The following ONECUT2 variants were observed in gnomAD, a reference collection of about 807,000 sequenced individuals.
ONECUT2 encodes one cut domain family member 2.
ONECUT2 carries 10 observed loss-of-function variants against 27.9 expected under a neutral mutation model. The ratio of observed to expected loss-of-function variants is 0.36; its 90% CI spans 0.22 to 0.61. ONECUT2 has a LOEUF of 0.61. Ranked by LOEUF, ONECUT2 falls within the 20% of genes least tolerant of loss-of-function variation. The pLI, the probability that ONECUT2 is intolerant of heterozygous loss-of-function variation, is 0.73. For synonymous variants in ONECUT2, 334 were observed against 315.1 expected (o/e 1.06, Z -0.64); for missense variants, 686 against 721.0 (o/e 0.95, Z 0.56).
chr18:57,443,562 G>T (rs1049007580), intron 1 of ONECUT2, among the ~76,000 whole-genome samples: 1 of 152,170 alleles, frequency 6.6e-6, no homozygotes, highest in African/African-American at 2.4e-5. Flanking sequence ...ACCAACCTCT[G>T]TGCCTTTGGG....
At position 57,480,799 on chromosome 18, in the gene ONECUT2, T is replaced by C. The variant is rs1238518653; in HGVS notation, c.*4076T>C. The C allele has an allele frequency of 6.6e-6, 1 of 152,210 alleles. No individual in the cohort carries two copies. The highest frequency in any genetic ancestry group is 1.5e-5 in the Non-Finnish European group (1 of 68,048). 9.4% of individuals were successfully genotyped at this position (152,210 alleles called of 1,614,324 possible). A position where few individuals can be genotyped will look rare whatever the true frequency, so the allele number is the denominator to read the frequency against. On this transcript the variant is annotated 3_prime_UTR_variant, in exon 2 of 2. Coordinates refer to ENST00000491143, the MANE Select transcript of ONECUT2 (RefSeq NM_004852.3). ...AAAAAATTTCTATATTGAAAGGTAA[T>C]AGAATTTAACCCAGTGAGTTTACTC...
rs76595697 is a variant in ONECUT2, at chr18:57,471,021, G to A, written c.1229-5416G>A. On this transcript the variant is annotated intron_variant, in intron 1 of 1. Coordinates refer to ENST00000491143, the MANE Select transcript of ONECUT2 (RefSeq NM_004852.3). ...CTACTCTGTTACTGACCACGCAGTC[G>A]GTGGCAAGGTCCCTCCCCAAGCTGA... Among the ~76,000 whole-genome samples, 235 of 152,300 alleles carry A rather than the reference G, an allele frequency of 1.5e-3. 3 individuals are homozygous for A. Among genetic ancestry groups the A allele is most frequent in the African/African-American group, 5.4e-3 (226 of 41,556 alleles).
chr18:57,460,008 G>A (rs2050281349), intron 1 of ONECUT2, among the ~76,000 whole-genome samples: 2 of 152,044 alleles, frequency 1.3e-5, no homozygotes, highest in Non-Finnish European at 2.9e-5. Context: ...CTGCAACCTC[G>A]AACTCTTGGG....
chr18:57,489,434 T>C lies in ONECUT2; in HGVS notation c.*12711T>C, dbSNP rs769030021. 2.6e-5 allele frequency: 4 copies of C among 152,124 alleles called. No individual in the cohort carries two copies. The highest frequency in any genetic ancestry group is 4.4e-5 in the Non-Finnish European group (3 of 68,038). 9.4% of individuals were successfully genotyped at this position (152,124 alleles called of 1,614,324 possible). ...GCACATTGCCTATGCTGTTGATCTG[T>C]CTTGGGCGACAGGCTGAATCACAGC... On this transcript the variant is annotated 3_prime_UTR_variant, in exon 2 of 2. Transcript: ENST00000491143.
Position 57,436,187 on chromosome 18 carries a change from G to A in ONECUT2, c.471G>A (p.Leu157=). The A allele has an allele frequency of 6.2e-7, 1 of 1,607,648 alleles. No homozygotes were observed. Among genetic ancestry groups the A allele is most frequent in the Non-Finnish European group, 8.5e-7 (1 of 1,179,450 alleles). The change falls in exon 1 of 2, where the codon CTG becomes CTA. Residue 157 remains leucine (L), a synonymous_variant. Coordinates refer to ENST00000491143, the MANE Select transcript of ONECUT2 (RefSeq NM_004852.3). The surrounding 1 kb of genome is among the most constrained non-coding windows in gnomAD (Gnocchi z 5.9). ...TYTTLTPLQP[L]PPISTVSDKF... is the part of the protein sequence containing the mutation. ...CCACGCTGACACCGCTCCAGCCGCT[G>A]CCACCCATCTCCACCGTGTCTGACA...
In ONECUT2 at chr18:57,435,831, G is replaced by C; in HGVS notation, c.115G>C (p.Gly39Arg). 2.7e-6 allele frequency: 3 copies of C among 1,096,610 alleles called. No homozygotes were observed. Among genetic ancestry groups the C allele is most frequent in the Non-Finnish European group, 3.4e-6 (3 of 887,750 alleles). 67.9% of individuals were successfully genotyped at this position (1,096,610 alleles called of 1,614,324 possible). ...LGTLHGPAGG[G>R]SGGGGGGGGG... ...CACTTTGCACGGGCCGGCCGGCGGC[G>C]GCAGTGGCGGGGGCGGCGGCGGGGG... Residue 39 changes from glycine to arginine, a missense_variant, in exon 1 of 2, where the codon GGC becomes CGC. Coordinates refer to ENST00000491143, the MANE Select transcript of ONECUT2 (RefSeq NM_004852.3).
intron 1 of ONECUT2, 107 bp from the exon 2 acceptor site, chr18:57,476,330 A>G (rs954878571): frequency 7.6e-6 from 9 of 1,189,362 alleles, no homozygotes; most frequent in Non-Finnish European, 9.3e-6. Context: ...TTTGCACAAT[A>G]AAGTTTAACG....
At chr18:57,452,368 A>T (rs12957913) in intron 1 of ONECUT2, among the ~76,000 whole-genome samples, 6,518 of 152,202 alleles carry the variant, frequency 0.043, 593 homozygotes, top group East Asian at 0.36. Flanking sequence ...CCAATGGGAG[A>T]TCCCCTCAAG....
In ONECUT2 at chr18:57,476,749, G is replaced by A. The variant is rs771104556; in HGVS notation, c.*26G>A. Reference sequence around the variant, plus strand: ...TGGAAGGACTCTCACTTGGGCACAAGTCACCTCCAAATGAGGACAACAGAT... The same window carrying A: ...TGGAAGGACTCTCACTTGGGCACAAATCACCTCCAAATGAGGACAACAGAT... On this transcript the variant is annotated 3_prime_UTR_variant, in exon 2 of 2. Transcript: ENST00000491143. The A allele has an allele frequency of 1.2e-6, 2 of 1,610,418 alleles. No homozygotes were observed. The highest frequency in any genetic ancestry group is 2.2e-5 in the South Asian group (2 of 90,792).
intron 1 of ONECUT2, among the ~76,000 whole-genome samples, chr18:57,439,794 C>G (rs1159686767): frequency 6.6e-6 from 1 of 152,220 alleles, no homozygotes; most frequent in East Asian, 1.9e-4. Context: ...GTCCCTGCCC[C>G]CCTCCCGCCA....
At chr18:57,439,739 G>A (rs1398232052) in intron 1 of ONECUT2, among the ~76,000 whole-genome samples, 1 of 152,162 alleles carries the variant, frequency 6.6e-6, no homozygotes, top group Admixed American at 6.5e-5. Flanking sequence ...CAGCCGCTCC[G>A]CAGGCGGCTC....
intron 1 of ONECUT2, among the ~76,000 whole-genome samples, chr18:57,442,562 C>G (rs1245511972): frequency 4.6e-5 from 7 of 152,128 alleles, no homozygotes; most frequent in Middle Eastern, 3.2e-3. Context: ...AATGAGATAG[C>G]TGGGTAATCA....
At position 57,483,786 on chromosome 18, in the gene ONECUT2, T is replaced by C. The variant is rs2050426855; in HGVS notation, c.*7063T>C. On this transcript the variant is annotated 3_prime_UTR_variant, in exon 2 of 2. Coordinates refer to ENST00000491143, the MANE Select transcript of ONECUT2 (RefSeq NM_004852.3). ...AATTTTTAAATTATTTAACTTAAGTTCGCAGCCCCACCTGGTACCAGGCGA... is the reference window on the plus strand; with the variant it reads ...AATTTTTAAATTATTTAACTTAAGTCCGCAGCCCCACCTGGTACCAGGCGA... 2.6e-5 allele frequency: 4 copies of C among 152,662 alleles called. No homozygotes were observed. The allele number at this position is 152,662 out of a possible 1,614,324, so 9.5% of individuals were successfully genotyped here. A position where few individuals can be genotyped will look rare whatever the true frequency, so the allele number is the denominator to read the frequency against.
At chr18:57,451,401 G>T (rs928683100) in intron 1 of ONECUT2, among the ~76,000 whole-genome samples, 3 of 152,152 alleles carry the variant, frequency 2.0e-5, no homozygotes, top group African/African-American at 7.2e-5. Context: ...GCAGGGTTGC[G>T]CTGGGCAGGA....
intron 1 of ONECUT2, among the ~76,000 whole-genome samples, chr18:57,473,860 A>G (rs1446730806): frequency 6.6e-6 from 1 of 152,228 alleles, no homozygotes; most frequent in African/African-American, 2.4e-5. Flanking sequence ...ACCACACAGG[A>G]ATCATCAGAA....
chr18:57,475,394 A>G (rs890811946), intron 1 of ONECUT2, among the ~76,000 whole-genome samples: 2 of 152,168 alleles, frequency 1.3e-5, no homozygotes, highest in Non-Finnish European at 2.9e-5. Flanking sequence ...ATGTTTTAGC[A>G]TTATGATTTG....
At chr18:57,471,411 G>A (rs1170360862) in intron 1 of ONECUT2, among the ~76,000 whole-genome samples, 1 of 152,200 alleles carries the variant, frequency 6.6e-6, no homozygotes, top group Non-Finnish European at 1.5e-5. Flanking sequence ...CAGGTTAGAG[G>A]TGGGGAAGAT....
chr18:57,447,291 A>G (rs920328656), intron 1 of ONECUT2, among the ~76,000 whole-genome samples: 1 of 152,082 alleles, frequency 6.6e-6, no homozygotes, highest in Non-Finnish European at 1.5e-5. Flanking sequence ...CAGCACCACG[A>G]ACAGCGCCAT....
At chr18:57,475,299 A>G (rs603816) in intron 1 of ONECUT2, among the ~76,000 whole-genome samples, 151,682 of 152,134 alleles carry the variant, frequency 1, 75,615 homozygotes, top group Middle Eastern at 1. Flanking sequence ...CTCATGATAC[A>G]CCTGCCTTGG....
Sources: gnomAD v4.1 joint callset for allele counts (sites outside exome capture counted in the v4.1 genomes callset) on GRCh38, gnomAD v4.1.1 for gene constraint, Gnocchi (gnomAD v3.1) non-coding constraint, MANE v1.5 for transcripts, NCBI Gene and HGNC (gene_info 2026-07-23, HGNC 2026-07-21) for gene names.